Variants in CDKAL1 observed in about 807,000 individuals in gnomAD.
The protein encoded by CDKAL1 is threonylcarbamoyladenosine tRNA methylthiotransferase.
A neutral mutation model predicts 68.2 loss-of-function variants in CDKAL1; 32 were observed. The observed-to-expected ratio is 0.47, with a 90% confidence interval of 0.35 to 0.63. The LOEUF is 0.63. Ranked by LOEUF, CDKAL1 falls within the 30% of genes least tolerant of loss-of-function variation. The pLI, the probability that CDKAL1 is intolerant of heterozygous loss-of-function variation, is 0.00. For missense variants in CDKAL1, 606 were observed against 696.7 expected (o/e 0.87, Z 1.47); for synonymous variants, 234 against 244.3 (o/e 0.96, Z 0.39).
chr6:20,715,174 G>A (rs1173549546), intron 5 of CDKAL1, among the ~76,000 whole-genome samples: 1 of 152,238 alleles, frequency 6.6e-6, no homozygotes, highest in East Asian at 1.9e-4. Flanking sequence ...TGTTGTGTTT[G>A]CTGCTTTGTA....
intron 11 of CDKAL1, among the ~76,000 whole-genome samples, chr6:21,053,657 C>T (rs1024123714): frequency 4.6e-5 from 7 of 152,020 alleles, no homozygotes; most frequent in Non-Finnish European, 1.5e-5. Flanking sequence ...CTTTTTGGTA[C>T]AGCCATTCTA....
At chr6:20,569,110 T>G (rs1764596555) in intron 4 of CDKAL1, among the ~76,000 whole-genome samples, 1 of 152,250 alleles carries the variant, frequency 6.6e-6, no homozygotes, top group South Asian at 2.1e-4. Context: ...AGGTGGTTTC[T>G]AATTCGTGTT....
In CDKAL1 at chr6:21,201,275, G is replaced by T; in HGVS notation, c.1548+1G>T. 1.2e-6 allele frequency: 2 copies of T among 1,603,142 alleles called. No homozygotes were observed. The highest frequency in any genetic ancestry group is 1.7e-6 in the Non-Finnish European group (2 of 1,170,996). ...GGGAGAAGTCTCGGGTTTGACAAAG[G>T]TAAGTAAAAGATGCTCTCCTCTCTA... On this transcript the variant is annotated splice_donor_variant, in intron 15 of 15. Transcript: ENST00000274695. LOFTEE classifies it high-confidence loss of function.
At chr6:21,221,661 A>G (rs1779543786) in intron 15 of CDKAL1, among the ~76,000 whole-genome samples, 1 of 152,212 alleles carries the variant, frequency 6.6e-6, no homozygotes, top group African/African-American at 2.4e-5. Flanking sequence ...GTGGGGGGAA[A>G]AAAGCCTGTT....
At chr6:20,680,946 C>T (rs1005071645) in intron 5 of CDKAL1, among the ~76,000 whole-genome samples, 14 of 152,014 alleles carry the variant, frequency 9.2e-5, no homozygotes, top group Admixed American at 2.6e-4. Context: ...GATGTGACTT[C>T]GAGAAGAGGA....
chr6:20,904,809 A>C (rs983977475), intron 9 of CDKAL1, among the ~76,000 whole-genome samples: 4 of 152,018 alleles, frequency 2.6e-5, no homozygotes, highest in African/African-American at 7.3e-5. Flanking sequence ...AAAAAGAAAA[A>C]AGAAAGTCAC....
intron 5 of CDKAL1, among the ~76,000 whole-genome samples, chr6:20,729,787 T>C (rs1055137063): frequency 4.6e-5 from 7 of 152,222 alleles, no homozygotes; most frequent in Non-Finnish European, 2.9e-5. Context: ...TTTACTACCC[T>C]GCTTCTCAAA....
intron 5 of CDKAL1, among the ~76,000 whole-genome samples, chr6:20,728,784 T>C (rs1472134731): frequency 2.0e-5 from 3 of 152,234 alleles, no homozygotes; most frequent in African/African-American, 7.2e-5. Flanking sequence ...TTAGATTCGC[T>C]ATATTCTCTA....
intron 9 of CDKAL1, among the ~76,000 whole-genome samples, chr6:20,921,518 T>G (rs1029710585): frequency 6.6e-6 from 1 of 152,194 alleles, no homozygotes; most frequent in Non-Finnish European, 1.5e-5. Context: ...TTATTTTAAG[T>G]TGATGTTTCA....
At chr6:20,956,525 A>G (rs1330330671) in intron 10 of CDKAL1, among the ~76,000 whole-genome samples, 1 of 152,242 alleles carries the variant, frequency 6.6e-6, no homozygotes, top group African/African-American at 2.4e-5. Flanking sequence ...AGTCATGTGT[A>G]AAGCATGAAA....
intron 5 of CDKAL1, among the ~76,000 whole-genome samples, chr6:20,726,086 C>T (rs890751454): frequency 6.6e-6 from 1 of 151,796 alleles, no homozygotes; most frequent in African/African-American, 2.4e-5. Flanking sequence ...GTATTTGCAT[C>T]TGAGAGTCTA....
chr6:20,553,403 G>T (rs1377238038), intron 4 of CDKAL1, among the ~76,000 whole-genome samples: 1 of 152,002 alleles, frequency 6.6e-6, no homozygotes, highest in Non-Finnish European at 1.5e-5. Context: ...CAGCTACTCG[G>T]GAGGCTGAGG....
chr6:20,579,249 G>A (rs1765041444), intron 4 of CDKAL1, among the ~76,000 whole-genome samples: 1 of 152,034 alleles, frequency 6.6e-6, no homozygotes, highest in Non-Finnish European at 1.5e-5. Flanking sequence ...AAAGCACTGG[G>A]ATTACAGATG....
intron 8 of CDKAL1, among the ~76,000 whole-genome samples, chr6:20,801,442 A>G (rs1237318347): frequency 6.6e-6 from 1 of 152,168 alleles, no homozygotes; most frequent in Non-Finnish European, 1.5e-5. Context: ...ACATTTTACC[A>G]TCTTTATTAT....
At chr6:20,777,149 T>A (rs1775206037) in intron 7 of CDKAL1, among the ~76,000 whole-genome samples, 2 of 152,240 alleles carry the variant, frequency 1.3e-5, no homozygotes, top group South Asian at 4.1e-4. Flanking sequence ...CCAGAAGTTG[T>A]TTCTTCTGCA....
chr6:20,575,568 A>G (rs939266112), intron 4 of CDKAL1, among the ~76,000 whole-genome samples: 15 of 152,202 alleles, frequency 9.9e-5, no homozygotes, highest in Admixed American at 3.3e-4. Flanking sequence ...TGAGGTTGTA[A>G]TATATTTTTT....
At position 20,892,571 on chromosome 6, in the gene CDKAL1, A is replaced by G. The variant is rs143774777; in HGVS notation, c.742+46393A>G. 3.3e-5 allele frequency among the ~76,000 whole-genome samples: 5 copies of G among 152,256 alleles called. No homozygotes were observed. In the East Asian group the frequency reaches 5.8e-4, roughly 18 times the overall value. On this transcript the variant is annotated intron_variant, in intron 9 of 15. Coordinates refer to ENST00000274695, the MANE Select transcript of CDKAL1 (RefSeq NM_017774.3). Reference sequence around the variant, plus strand: ...AAAGCATGAGGATGAATTATACCGTATTGTATATTTATATATTTATATATA... The same window carrying G: ...AAAGCATGAGGATGAATTATACCGTGTTGTATATTTATATATTTATATATA...
chr6:20,686,396 A>G (rs1216413977), intron 5 of CDKAL1, among the ~76,000 whole-genome samples: 1 of 152,126 alleles, frequency 6.6e-6, no homozygotes, highest in Non-Finnish European at 1.5e-5. Flanking sequence ...CAGGGGCAGC[A>G]TTAGATTCTC....
At position 20,671,299 on chromosome 6, in the gene CDKAL1, C is replaced by T. The variant is rs532938019; in HGVS notation, c.371+21922C>T. On this transcript the variant is annotated intron_variant, in intron 5 of 15. Coordinates refer to ENST00000274695, the MANE Select transcript of CDKAL1 (RefSeq NM_017774.3). ...GTTTGAGCATCTTTTATAGTTTGGC[C>T]ATTTAGATATACTTTTGTCAATCAT... 5.3e-5 allele frequency among the ~76,000 whole-genome samples: 8 copies of T among 152,128 alleles called. No homozygotes were observed. In the South Asian group the frequency reaches 1.7e-3, roughly 32 times the overall value.
Sources: allele counts gnomAD v4.1 joint callset (sites outside exome capture counted in the v4.1 genomes callset), GRCh38; gene constraint gnomAD v4.1.1; transcripts MANE v1.5; gene names NCBI Gene and HGNC (gene_info 2026-07-23, HGNC 2026-07-21).